Variants in POLR3G observed in about 807,000 individuals in gnomAD.
The protein encoded by POLR3G is RNA polymerase III subunit G.
In POLR3G, 28 loss-of-function variants were observed where a neutral mutation model predicts 30.1. The observed-to-expected ratio is 0.93, with a 90% CI of 0.69 to 1.27. The LOEUF (loss-of-function observed/expected upper bound fraction) is 1.27. Among genes scored for constraint, POLR3G ranks in the 50% most tolerant of loss-of-function variants. The probability of loss-of-function intolerance (pLI) is 0.00; values close to 1 mark genes in which losing one functional copy is unlikely to be tolerated. For synonymous variants in POLR3G, 79 were observed against 82.5 expected, an observed-to-expected ratio of 0.96 and a Z score of 0.23; for missense variants, 254 against 264.6, an observed-to-expected ratio of 0.96 and a Z score of 0.28.
At chr5:90,487,087 T>C (rs1214530714) in intron 2 of POLR3G, among the ~76,000 whole-genome samples, 3 of 152,184 alleles carry the variant, frequency 2.0e-5, no homozygotes, top group Non-Finnish European at 2.9e-5. Context: ...TGTATGTGTG[T>C]GTATAATTTT....
At chr5:90,485,943 G>T (rs1414296190) in intron 2 of POLR3G, among the ~76,000 whole-genome samples, 1 of 152,162 alleles carries the variant, frequency 6.6e-6, no homozygotes, top group Admixed American at 6.5e-5. Context: ...CTTACAACTT[G>T]TATTGGTGTT....
intron 7 of POLR3G, among the ~76,000 whole-genome samples, chr5:90,507,691 C>CT (rs1197466158): frequency 6.6e-6 from 1 of 152,122 alleles, no homozygotes; most frequent in East Asian, 1.9e-4. Context: ...CCTTCCTATT[C>CT]TTTTTTCACA....
At chr5:90,474,409 C>T (rs1460425177), upstream of POLR3G, 1 of 940,286 alleles carries the variant, frequency 1.1e-6, no homozygotes, top group Non-Finnish European at 1.6e-6. Flanking sequence ...AGGGAGGAGG[C>T]GTAGAGCGAG....
intron 3 of POLR3G, chr5:90,490,662 G>T: frequency 2.5e-6 from 1 of 392,456 alleles, no homozygotes; most frequent in Non-Finnish European, 5.1e-6. Context: ...TCCCATCTCG[G>T]CCTTCCAAAG....
At chr5:90,511,561 A>G (rs1752741186) in intron 7 of POLR3G, among the ~76,000 whole-genome samples, 3 of 151,666 alleles carry the variant, frequency 2.0e-5, no homozygotes, top group African/African-American at 4.8e-5. Context: ...AGAAACTAAG[A>G]GGTCCTAGAT....
chr5:90,481,200 CTT>C (rs1463188556), intron 1 of POLR3G, among the ~76,000 whole-genome samples: 6 of 151,956 alleles, frequency 3.9e-5, no homozygotes, highest in African/African-American at 1.2e-4. Context: ...CTGATGGACA[CTT>C]TATACTTAAT....
At chr5:90,486,422 G>A (rs761060417) in intron 2 of POLR3G, among the ~76,000 whole-genome samples, 12 of 152,176 alleles carry the variant, frequency 7.9e-5, no homozygotes, top group Admixed American at 1.3e-4. Flanking sequence ...TTAGTACATA[G>A]TATTTCTTTA....
In POLR3G at chr5:90,513,271, T is replaced by C. The variant is rs1723070285; in HGVS notation, c.*1132T>C. On this transcript the variant is annotated 3_prime_UTR_variant, in exon 8 of 8. Coordinates refer to ENST00000651687, the MANE Select transcript of POLR3G (RefSeq NM_006467.3). ...TTTATTTTTCCCCTTTGGGGAGATA[T>C]TATCCTCTAATATGAGAATCAGATC... 2 of 152,608 alleles carry C rather than the reference T, an allele frequency of 1.3e-5. No individual in the cohort carries two copies. The highest frequency in any genetic ancestry group is 6.5e-5 in the Admixed American group (1 of 15,276). The allele number at this position is 152,608 out of a possible 1,614,324, so 9.5% of individuals were successfully genotyped here. A position where few individuals can be genotyped will look rare whatever the true frequency, so the allele number is the denominator to read the frequency against.
intron 2 of POLR3G, among the ~76,000 whole-genome samples, chr5:90,487,133 C>T (rs1327047992): frequency 6.6e-6 from 1 of 152,014 alleles, no homozygotes; most frequent in African/African-American, 2.4e-5. Context: ...TCCATCTTGC[C>T]ATTTATTCAC....
upstream of POLR3G, chr5:90,474,252 T>C (rs1191588658): frequency 2.5e-6 from 4 of 1,613,480 alleles, no homozygotes; most frequent in African/African-American, 1.3e-5. Flanking sequence ...GAAGATACCA[T>C]CGCCTAGAGA....
intron 7 of POLR3G, among the ~76,000 whole-genome samples, chr5:90,511,578 T>C (rs10942597): frequency 0.38 from 57,859 of 150,856 alleles, 11,342 homozygotes; most frequent in Non-Finnish European, 0.42. Context: ...AGATAGAATA[T>C]AATATAGGCA....
intron 6 of POLR3G, 147 bp from the exon 7 acceptor site, chr5:90,506,381 T>G: frequency 9.1e-7 from 1 of 1,097,060 alleles, no homozygotes; most frequent in South Asian, 2.3e-5. Flanking sequence ...TTTCTTGAGT[T>G]GACTCATAGT....
chr5:90,495,628 G>A (rs775172463), intron 3 of POLR3G, 49 bp from the exon 4 acceptor site: 1 of 1,584,666 alleles, frequency 6.3e-7, no homozygotes, highest in Non-Finnish European at 8.6e-7. Context: ...CTTAAGTTCA[G>A]GGTTACTGTT....
rs1298834938 is a variant in POLR3G at position 90,514,132 on chromosome 5, T to C, written c.*1993T>C. The C allele has an allele frequency of 6.6e-6, 1 of 152,208 alleles. No homozygotes were observed. Among genetic ancestry groups the C allele is most frequent in the Non-Finnish European group, 1.5e-5 (1 of 68,036 alleles). 9.4% of individuals were successfully genotyped at this position (152,208 alleles called of 1,614,324 possible). On this transcript the variant is annotated 3_prime_UTR_variant, in exon 8 of 8. Transcript: ENST00000651687. Reference sequence around the variant, plus strand: ...GAGCCTTCTTTCCCCCTTTGAAAGATCCTTTTACAATGTTAAAGTATACTA... The same window carrying C: ...GAGCCTTCTTTCCCCCTTTGAAAGACCCTTTTACAATGTTAAAGTATACTA...
At chr5:90,475,877 A>T (rs982383015) in intron 1 of POLR3G, among the ~76,000 whole-genome samples, 3 of 151,944 alleles carry the variant, frequency 2.0e-5, no homozygotes, top group Non-Finnish European at 4.4e-5. Flanking sequence ...GCACCCGGCT[A>T]ATTTTGTATT....
chr5:90,484,437 A>C (rs17539414), intron 1 of POLR3G, among the ~76,000 whole-genome samples: 7,198 of 152,304 alleles, frequency 0.047, 222 homozygotes, highest in Non-Finnish European at 0.072. Flanking sequence ...CTTTTGGTCC[A>C]AAATAGTGCC....
chr5:90,474,039 T>C, upstream of POLR3G: 1 of 1,590,820 alleles, frequency 6.3e-7, no homozygotes, highest in Non-Finnish European at 8.5e-7. Context: ...GTGGTCGAAG[T>C]GCACGTGGGT....
At chr5:90,497,335 C>G (rs1752042926) in intron 4 of POLR3G, among the ~76,000 whole-genome samples, 1 of 151,798 alleles carries the variant, frequency 6.6e-6, no homozygotes, top group Admixed American at 6.6e-5. Context: ...ATAAAGTGGT[C>G]AAATAAATAT....
chr5:90,476,232 G>C (rs1750809837), intron 1 of POLR3G, among the ~76,000 whole-genome samples: 1 of 152,134 alleles, frequency 6.6e-6, no homozygotes, highest in Non-Finnish European at 1.5e-5. Flanking sequence ...TAAATACTTT[G>C]CTAATCTTCA....
Sources: allele counts gnomAD v4.1 joint callset (sites outside exome capture counted in the v4.1 genomes callset), GRCh38; gene constraint gnomAD v4.1.1; transcripts MANE v1.5; gene names NCBI Gene and HGNC (gene_info 2026-07-23, HGNC 2026-07-21).